Variants in JSRP1 observed in about 807,000 individuals in gnomAD.
The protein encoded by JSRP1 is junctional sarcoplasmic reticulum protein 1.
JSRP1 carries 29 observed loss-of-function variants against 21.4 expected under a neutral mutation model. The observed-to-expected ratio is 1.36, with a 90% CI of 1.01 to 1.85. The LOEUF (loss-of-function observed/expected upper bound fraction) is 1.85, where lower values mean the gene tolerates loss of function less well. Ranked by LOEUF, JSRP1 falls within the 40% of genes most tolerant of loss-of-function variation. The pLI, the probability that JSRP1 is intolerant of heterozygous loss-of-function variation, is 0.00. For synonymous variants in JSRP1, 221 were observed against 206.1 expected (o/e 1.07, Z -0.62); for missense variants, 531 against 461.5 (o/e 1.15, Z -1.38).
intron 2 of JSRP1, among the ~76,000 whole-genome samples, 157 bp from the exon 3 acceptor site, chr19:2,254,639 A>C (rs2145039228): frequency 6.6e-6 from 1 of 151,524 alleles, no homozygotes; most frequent in South Asian, 2.1e-4. Context: ...GGAATCCAGC[A>C]TTTTGGGGAG....
Position 2,255,144 on chromosome 19 carries a change from G to A in JSRP1, c.109+62C>T, listed in dbSNP as rs2145039768. ...TAAGAAGCTCTAGTCTCTGAAGATG[G>A]GCCTCCTGGCTCAAGGGGACCATCA... is the stretch of plus-strand genomic sequence containing the variant. On this transcript the variant is annotated intron_variant, in intron 2 of 6. Coordinates refer to ENST00000300961, the MANE Select transcript of JSRP1 (RefSeq NM_144616.4). 2.7e-6 allele frequency: 3 copies of A among 1,128,592 alleles called. No homozygotes were observed. The South Asian group carries it at 4.2e-5, about 16-fold the overall frequency. 69.9% of individuals were successfully genotyped at this position (1,128,592 alleles called of 1,614,324 possible).
Position 2,252,426 on chromosome 19 carries a change from G to A in JSRP1, c.899C>T (p.Pro300Leu), listed in dbSNP as rs1230028212. The A allele has an allele frequency of 1.4e-5, 23 of 1,609,672 alleles. No homozygotes were observed. Among genetic ancestry groups the A allele is most frequent in the Non-Finnish European group, 1.9e-5 (22 of 1,179,366 alleles). Residue 300 changes from proline to leucine, a missense_variant, in exon 7 of 7, where the codon CCC becomes CTC. Coordinates refer to ENST00000300961, the MANE Select transcript of JSRP1 (RefSeq NM_144616.4). ...PWARDSRDAE[P>L]RKKQAWVSPR... is the part of the protein sequence containing the mutation. Reference sequence around the variant, plus strand: ...GGACACCCAGGCCTGCTTCTTCCTGGGCTCGGCGTCCCTGGAGTCCCGTGC... The same window carrying A: ...GGACACCCAGGCCTGCTTCTTCCTGAGCTCGGCGTCCCTGGAGTCCCGTGC...
At chr19:2,253,502 C>A (rs1055465182) in intron 5 of JSRP1, 118 bp downstream of exon 5, 27 of 1,052,120 alleles carry the variant, frequency 2.6e-5, no homozygotes, top group Non-Finnish European at 2.6e-5. Flanking sequence ...GCGTGCAAGA[C>A]CCAGCCCTGG....
chr19:2,255,622 G>A lies in JSRP1; in HGVS notation c.-30-278C>T, dbSNP rs549886475. Reference sequence around the variant, plus strand: ...AGGCTGCTCTGGCCCAGAGAGGGCGGGAGCCCCTGCAGGACAACACAGCAA... The same window carrying A: ...AGGCTGCTCTGGCCCAGAGAGGGCGAGAGCCCCTGCAGGACAACACAGCAA... On this transcript the variant is annotated intron_variant, in intron 1 of 6. Coordinates refer to ENST00000300961, the MANE Select transcript of JSRP1 (RefSeq NM_144616.4). Among the ~76,000 whole-genome samples, 120 of 152,342 alleles carry A rather than the reference G, an allele frequency of 7.9e-4. 2 individuals carry two copies. The highest frequency in any genetic ancestry group is 2.6e-3 in the African/African-American group (106 of 41,568).
At chr19:2,254,026 A>G (rs1266957695) in intron 4 of JSRP1, among the ~76,000 whole-genome samples, 161 bp downstream of exon 4, 1 of 152,242 alleles carries the variant, frequency 6.6e-6, no homozygotes, top group African/African-American at 2.4e-5. Context: ...ATTATTACGC[A>G]TTAGTAGAGG....
At chr19:2,256,105 A>G (rs1200840789) in intron 1 of JSRP1, among the ~76,000 whole-genome samples, 6 of 152,264 alleles carry the variant, frequency 3.9e-5, no homozygotes, top group South Asian at 4.1e-4. Flanking sequence ...CAGGGTCCCC[A>G]TGGCCTCTGG....
At position 2,254,496 on chromosome 19, in the gene JSRP1, G is replaced by C. The variant is rs376871953; in HGVS notation, c.110-14C>G. The stretch of plus-strand genomic sequence containing the variant: ...GCCTGGGTGTCGCTGTGGGAACACA[G>C]GCAGAGTCAAGGTTGTGGGGACCCC... On this transcript the variant is annotated splice_polypyrimidine_tract_variant and intron_variant, in intron 2 of 6. Transcript: ENST00000300961. 6 of 1,612,592 alleles carry C rather than the reference G, an allele frequency of 3.7e-6. No individual in the cohort carries two copies. Among genetic ancestry groups the C allele is most frequent in the Non-Finnish European group, 5.1e-6 (6 of 1,179,916 alleles).
rs911716909 is a variant in JSRP1, at chr19:2,255,989, C to G, written c.-31+394G>C. Reference sequence around the variant, plus strand: ...CTGACACAGAGTACCCTGCCTTGTCCCACTAACTCTGTTCCCATAGGACAG... The same window carrying G: ...CTGACACAGAGTACCCTGCCTTGTCGCACTAACTCTGTTCCCATAGGACAG... On this transcript the variant is annotated intron_variant, in intron 1 of 6. Coordinates refer to ENST00000300961, the MANE Select transcript of JSRP1 (RefSeq NM_144616.4). 2.6e-5 allele frequency among the ~76,000 whole-genome samples: 4 copies of G among 152,174 alleles called. No homozygotes were observed. In the East Asian group the frequency reaches 7.7e-4, roughly 29 times the overall value.
chr19:2,252,720 G>A lies in JSRP1; in HGVS notation c.605C>T (p.Pro202Leu). The A allele has an allele frequency of 6.2e-7, 1 of 1,612,516 alleles. No individual in the cohort carries two copies. The highest frequency in any genetic ancestry group is 8.5e-7 in the Non-Finnish European group (1 of 1,179,936). The part of the protein sequence containing the change: ...RAEAEVRPKI[P>L]GSREAAENDE... ...GTTCTCTGCAGCCTCCCGACTCCCG[G>A]GAATCTTGGGTCTGACCTCTGCCTC... Residue 202 changes from proline (P) to leucine (L), a missense_variant, in exon 7 of 7, where the codon CCC becomes CTC. Coordinates refer to ENST00000300961, the MANE Select transcript of JSRP1 (RefSeq NM_144616.4).
chr19:2,254,955 C>T (rs2025126379), intron 2 of JSRP1, among the ~76,000 whole-genome samples: 1 of 151,924 alleles, frequency 6.6e-6, no homozygotes, highest in Admixed American at 6.6e-5. Flanking sequence ...GACAGCTTTG[C>T]CCAAAGACAC....
At chr19:2,255,515 C>T (rs1407901136) in intron 1 of JSRP1, among the ~76,000 whole-genome samples, 171 bp from the exon 2 acceptor site, 1 of 152,228 alleles carries the variant, frequency 6.6e-6, no homozygotes, top group Non-Finnish European at 1.5e-5. Flanking sequence ...CCAGGCATCT[C>T]TCTGACCCCG....
Position 2,252,794 on chromosome 19 carries a change from A to C in JSRP1, c.531T>G (p.Pro177=). Residue 177 remains proline (P), a splice_region_variant and synonymous_variant, in exon 7 of 7, where the codon CCT becomes CCG. Coordinates refer to ENST00000300961, the MANE Select transcript of JSRP1 (RefSeq NM_144616.4). ...ATGGAGGCGCCTGGGCCTCGAACTT[A>C]GGCTGCAAGACAGAGTGGGGTCCTG... ...SAPREPSSPL[P]KFEAQAPPSA... is the part of the protein sequence containing the mutation. 6.2e-7 allele frequency: 1 copy of C among 1,610,770 alleles called. No homozygotes were observed. The highest frequency in any genetic ancestry group is 8.5e-7 in the Non-Finnish European group (1 of 1,179,078).
rs761342142 is a variant in JSRP1, at chr19:2,254,474, TGGG to T, written c.115_117del (p.Pro39del). On this transcript the variant is annotated inframe_deletion, in exon 3 of 7. Coordinates refer to ENST00000300961, the MANE Select transcript of JSRP1 (RefSeq NM_144616.4). Reference sequence around the variant, plus strand: ...GGCACGCTGCCGGAGTCGGCCAGCCTGGGTGTCGCTGTGGGAACACAGGCAGAG... The same window carrying T: ...GGCACGCTGCCGGAGTCGGCCAGCCTTGTCGCTGTGGGAACACAGGCAGAG... 61 of 1,612,704 alleles carry T rather than the reference TGGG, an allele frequency of 3.8e-5. No individual in the cohort carries two copies. In the Admixed American group the frequency reaches 1.0e-3, roughly 26 times the overall value.
Position 2,254,186 on chromosome 19 carries a change from C to G in JSRP1, c.262+1G>C. The G allele has an allele frequency of 6.3e-7, 1 of 1,598,828 alleles. No individual in the cohort carries two copies. Among genetic ancestry groups the G allele is most frequent in the Non-Finnish European group, 8.5e-7 (1 of 1,173,204 alleles). The stretch of plus-strand genomic sequence containing the variant: ...CTCACCCATGCCTCCTGCAAACCCA[C>G]TCGCTCCGGCTTTCAGCCTCTCCTT... On this transcript the variant is annotated splice_donor_variant, in intron 4 of 6. Transcript: ENST00000300961. LOFTEE classifies it high-confidence loss of function.
intron 4 of JSRP1, 123 bp from the exon 5 acceptor site, chr19:2,253,916 C>T (rs919234710): frequency 5.9e-6 from 7 of 1,177,366 alleles, no homozygotes; most frequent in Non-Finnish European, 7.8e-6. Flanking sequence ...CCTGTGCGGC[C>T]CCGGGCGCAG....
At chr19:2,254,378 C>T (rs567184763) in intron 3 of JSRP1, 67 bp downstream of exon 3, 121 of 1,607,372 alleles carry the variant, frequency 7.5e-5, no homozygotes, top group Admixed American at 6.7e-4. Flanking sequence ...CACCTGCCTC[C>T]CTTGGTCGGC....
At chr19:2,254,520 C>G in intron 2 of JSRP1, 38 bp from the exon 3 acceptor site, 1 of 1,610,674 alleles carries the variant, frequency 6.2e-7, no homozygotes, top group Non-Finnish European at 8.5e-7. Context: ...TGTGGGGACC[C>G]CCAGGCCAAT....
chr19:2,253,496 G>A, intron 5 of JSRP1, 124 bp downstream of exon 5: 1 of 992,408 alleles, frequency 1.0e-6, no homozygotes, highest in Non-Finnish European at 1.4e-6. Context: ...TTGGGGGCGT[G>A]CAAGACCCAG....
intron 2 of JSRP1, 123 bp downstream of exon 2, chr19:2,255,083 G>A (rs371464804): frequency 6.7e-5 from 38 of 570,208 alleles, no homozygotes; most frequent in East Asian, 3.7e-4. Flanking sequence ...GGTTGAACAT[G>A]GGGAGCACAC....
Sources: allele counts gnomAD v4.1 joint callset (sites outside exome capture counted in the v4.1 genomes callset), GRCh38; gene constraint gnomAD v4.1.1; transcripts MANE v1.5; gene names NCBI Gene and HGNC (gene_info 2026-07-23, HGNC 2026-07-21).